Variants in PPM1H observed in about 807,000 individuals in gnomAD.
PPM1H encodes the protein protein phosphatase, Mg2+/Mn2+ dependent 1H.
In PPM1H, 27 loss-of-function variants were observed where a neutral mutation model predicts 54.9. That is an observed-to-expected ratio of 0.49 (90% confidence interval 0.36 to 0.68). The LOEUF is 0.68. PPM1H is among the 30% of genes least tolerant of loss of function. PPM1H has a pLI of 0.00. For synonymous variants in PPM1H, 305 were observed against 270.8 expected (o/e 1.13, Z -1.24); for missense variants, 596 against 667.8 (o/e 0.89, Z 1.19).
intron 1 of PPM1H, among the ~76,000 whole-genome samples, chr12:62,892,120 T>G (rs903002302): frequency 1.3e-5 from 2 of 152,204 alleles, no homozygotes; most frequent in African/African-American, 2.4e-5. Flanking sequence ...CAAAAAAAAT[T>G]TACAGCCTTT....
At chr12:62,705,786 C>T (rs2076169902) in intron 6 of PPM1H, among the ~76,000 whole-genome samples, 1 of 152,280 alleles carries the variant, frequency 6.6e-6, no homozygotes, top group South Asian at 2.1e-4. Context: ...ACCATTTATT[C>T]TGAAATAAAC....
At chr12:62,786,551 C>T (rs1425683379) in intron 4 of PPM1H, among the ~76,000 whole-genome samples, 1 of 152,212 alleles carries the variant, frequency 6.6e-6, no homozygotes, top group African/African-American at 2.4e-5. Flanking sequence ...TCTAACAGCT[C>T]CTGCCCAGTG....
intron 3 of PPM1H, among the ~76,000 whole-genome samples, chr12:62,799,862 C>T (rs2076756563): frequency 6.6e-6 from 1 of 152,168 alleles, no homozygotes; most frequent in African/African-American, 2.4e-5. Context: ...CCTCCTCAGG[C>T]ATCCCGGTGG....
At chr12:62,650,820 C>T (rs56848598) in intron 9 of PPM1H, among the ~76,000 whole-genome samples, 1 of 152,172 alleles carries the variant, frequency 6.6e-6, no homozygotes, top group African/African-American at 2.4e-5. Flanking sequence ...GAACTCGGTC[C>T]CCATGATCTA....
At chr12:62,851,574 G>T (rs892164152) in intron 1 of PPM1H, among the ~76,000 whole-genome samples, 2 of 152,012 alleles carry the variant, frequency 1.3e-5, no homozygotes, top group African/African-American at 4.8e-5. Flanking sequence ...ATGGTGGCAG[G>T]CACCTGTAAT....
At chr12:62,927,662 CAAA>C (rs57622502) in intron 1 of PPM1H, among the ~76,000 whole-genome samples, 3 of 75,906 alleles carry the variant, frequency 4.0e-5, no homozygotes, top group Admixed American at 3.1e-4. Context: ...AACTCCGTCT[CAAA>C]AAAAAAAAAA....
chr12:62,858,070 C>T (rs1432216317), intron 1 of PPM1H, among the ~76,000 whole-genome samples: 1 of 151,938 alleles, frequency 6.6e-6, no homozygotes, highest in African/African-American at 2.4e-5. Context: ...ATTACCACCA[C>T]CACCACCACC....
At chr12:62,822,956 G>T (rs967180110) in intron 2 of PPM1H, among the ~76,000 whole-genome samples, 1 of 152,230 alleles carries the variant, frequency 6.6e-6, no homozygotes, top group South Asian at 2.1e-4. Context: ...AAATTCAGGA[G>T]CTGGTTTTTT....
chr12:62,853,531 A>T (rs1359607159), intron 1 of PPM1H, among the ~76,000 whole-genome samples: 2 of 152,170 alleles, frequency 1.3e-5, no homozygotes. Flanking sequence ...ACATATACTA[A>T]CCACAGTTCA....
intron 6 of PPM1H, among the ~76,000 whole-genome samples, chr12:62,703,806 A>C (rs1048366804): frequency 7.9e-5 from 12 of 152,146 alleles, no homozygotes; most frequent in African/African-American, 2.9e-4. Context: ...CAGGATTGGC[A>C]ACCACCTCGT....
intron 1 of PPM1H, among the ~76,000 whole-genome samples, chr12:62,854,479 G>T (rs1378357831): frequency 6.6e-6 from 1 of 152,018 alleles, no homozygotes; most frequent in South Asian, 2.1e-4. Context: ...CAGGGGTGGG[G>T]GTGGGCAGGA....
intron 2 of PPM1H, among the ~76,000 whole-genome samples, chr12:62,825,256 G>T (rs11608338): frequency 0.011 from 1,655 of 152,250 alleles, 16 homozygotes; most frequent in Middle Eastern, 0.041. Context: ...GAGAGGTTGT[G>T]GAGAAATAGG....
At chr12:62,883,828 A>C (rs1870481611) in intron 1 of PPM1H, among the ~76,000 whole-genome samples, 1 of 152,164 alleles carries the variant, frequency 6.6e-6, no homozygotes, top group South Asian at 2.1e-4. Context: ...TAGTGCCAGC[A>C]GGAGGCATTT....
At chr12:62,873,218 C>A (rs1408746595) in intron 1 of PPM1H, among the ~76,000 whole-genome samples, 1 of 152,204 alleles carries the variant, frequency 6.6e-6, no homozygotes, top group Non-Finnish European at 1.5e-5. Flanking sequence ...ACCTGTCTTA[C>A]ATCCAAATGG....
chr12:62,669,504 C>T (rs1296751096), intron 8 of PPM1H, among the ~76,000 whole-genome samples: 2 of 152,106 alleles, frequency 1.3e-5, no homozygotes, highest in East Asian at 3.9e-4. Flanking sequence ...AGAGAGGATT[C>T]CTACTGGGCC....
At chr12:62,803,798 A>G (rs138256542) in intron 2 of PPM1H, among the ~76,000 whole-genome samples, 1 of 152,362 alleles carries the variant, frequency 6.6e-6, no homozygotes, top group Non-Finnish European at 1.5e-5. Context: ...CTTGCAAAGC[A>G]TGTGTGTGAT....
rs531085354 is a variant in PPM1H at position 62,748,203 on chromosome 12, A to T, written c.870-10617T>A. ...GCTTGCAGGGAGCCGAGATTGCGCC[A>T]CTGTACTCCAGCCTGGGCGACAGAG... On this transcript the variant is annotated intron_variant, in intron 4 of 9. Transcript: ENST00000228705. Among the ~76,000 whole-genome samples the T allele has an allele frequency of 2.0e-5, 3 of 152,010 alleles. No homozygotes were observed. In the East Asian group the frequency reaches 5.8e-4, roughly 30 times the overall value.
At chr12:62,908,837 T>C (rs1458385363) in intron 1 of PPM1H, among the ~76,000 whole-genome samples, 1 of 152,222 alleles carries the variant, frequency 6.6e-6, no homozygotes, top group Non-Finnish European at 1.5e-5. Context: ...CATTTTCCCT[T>C]ATCTATTTAA....
intron 2 of PPM1H, among the ~76,000 whole-genome samples, chr12:62,802,482 T>C (rs993608524): frequency 3.3e-5 from 5 of 152,040 alleles, no homozygotes; most frequent in Non-Finnish European, 7.4e-5. Context: ...TACTCTAATT[T>C]GAAGTGTAGG....
Sources: gnomAD v4.1 joint callset for allele counts (sites outside exome capture counted in the v4.1 genomes callset) on GRCh38, gnomAD v4.1.1 for gene constraint, MANE v1.5 for transcripts, NCBI Gene and HGNC (gene_info 2026-07-23, HGNC 2026-07-21) for gene names.